The following LRRC7 variants were observed in gnomAD, a reference collection of about 807,000 sequenced individuals.
LRRC7 encodes leucine rich repeat containing 7, also known as leucine-rich repeat-containing protein 7.
Under a neutral mutation model 175.7 loss-of-function variants are expected in LRRC7, and 23 were observed. The observed-to-expected ratio is 0.13, with a 90% CI of 0.09 to 0.19. The LOEUF (loss-of-function observed/expected upper bound fraction) is 0.19, where lower values mean the gene tolerates loss of function less well. LRRC7 is among the 10% of genes least tolerant of loss of function. The probability of loss-of-function intolerance (pLI) is 1.00; values close to 1 mark genes in which losing one functional copy is unlikely to be tolerated. For missense variants in LRRC7, 1,354 were observed against 1,904.7 expected (o/e 0.71, Z 5.38); for synonymous variants, 685 against 680.9 (o/e 1.01, Z -0.09).
At chr1:69,578,318 A>G (rs1241427278) in intron 1 of LRRC7, among the ~76,000 whole-genome samples, 1 of 150,170 alleles carries the variant, frequency 6.7e-6, no homozygotes, top group East Asian at 2.0e-4. Context: ...ATGTGGAGAA[A>G]TAGGAACACT....
chr1:69,708,057 G>A (rs1192082019), intron 2 of LRRC7, among the ~76,000 whole-genome samples: 1 of 152,140 alleles, frequency 6.6e-6, no homozygotes, highest in Non-Finnish European at 1.5e-5. Context: ...ATTGGTCAGA[G>A]CTTCACCAGT....
intron 23 of LRRC7, among the ~76,000 whole-genome samples, chr1:70,057,008 G>A (rs1185903241): frequency 6.6e-6 from 1 of 152,028 alleles, no homozygotes; most frequent in Admixed American, 6.6e-5. Context: ...GTTGGGGGGG[G>A]AATCCATAGG....
At chr1:69,661,187 T>C (rs1038510578) in intron 1 of LRRC7, among the ~76,000 whole-genome samples, 1 of 152,112 alleles carries the variant, frequency 6.6e-6, no homozygotes. Context: ...TTTTTAATGC[T>C]CGTGGAACTA....
intron 1 of LRRC7, among the ~76,000 whole-genome samples, chr1:69,653,356 A>ACAAATGACCAG (rs1656145596): frequency 6.6e-6 from 1 of 151,978 alleles, no homozygotes; most frequent in Admixed American, 6.6e-5. Context: ...AAAAAGAAAA[A>ACAAATGACCAG]CAGATCTGTG....
chr1:70,021,304 T>A, intron 16 of LRRC7, 175 bp downstream of exon 16: 2 of 536,066 alleles, frequency 3.7e-6, no homozygotes, highest in Non-Finnish European at 3.2e-6. Flanking sequence ...AGAATGAGAC[T>A]AATGTCCCAA....
At chr1:69,732,812 T>G (rs72675030) in intron 2 of LRRC7, among the ~76,000 whole-genome samples, 2,786 of 152,170 alleles carry the variant, frequency 0.018, 34 homozygotes, top group Middle Eastern at 0.041. Context: ...TGACACACTT[T>G]TATGAAGATA....
chr1:69,630,157 T>C (rs1324748686), intron 1 of LRRC7, among the ~76,000 whole-genome samples: 2 of 152,066 alleles, frequency 1.3e-5, no homozygotes, highest in Non-Finnish European at 2.9e-5. Context: ...ATTTTCTTGT[T>C]CCTTCCTTCC....
chr1:70,047,315 C>T (rs375143614), intron 22 of LRRC7, among the ~76,000 whole-genome samples: 1 of 152,050 alleles, frequency 6.6e-6, no homozygotes, highest in Non-Finnish European at 1.5e-5. Flanking sequence ...AGGAAGTTTC[C>T]TAAGGAATCT....
intron 22 of LRRC7, among the ~76,000 whole-genome samples, chr1:70,051,307 A>G (rs1660727364): frequency 6.6e-6 from 1 of 152,050 alleles, no homozygotes; most frequent in African/African-American, 2.4e-5. Flanking sequence ...TAATTATCCC[A>G]CTTCACTAGC....
At chr1:70,068,224 A>G (rs1467347206) in intron 23 of LRRC7, among the ~76,000 whole-genome samples, 3 of 152,108 alleles carry the variant, frequency 2.0e-5, no homozygotes, top group African/African-American at 4.8e-5. Context: ...CCCATTAAGT[A>G]TATTAGCTAT....
chr1:69,683,141 G>C (rs1488111735), intron 2 of LRRC7, among the ~76,000 whole-genome samples: 3 of 152,118 alleles, frequency 2.0e-5, no homozygotes, highest in African/African-American at 7.2e-5. Flanking sequence ...TTTTCTGTCT[G>C]AATGAGTGGT....
chr1:69,810,456 C>T (rs2901371), intron 4 of LRRC7, among the ~76,000 whole-genome samples: 5,052 of 152,088 alleles, frequency 0.033, 251 homozygotes, highest in African/African-American at 0.11. Flanking sequence ...AAAGAGCCCA[C>T]ATAGCCAAGA....
intron 7 of LRRC7, among the ~76,000 whole-genome samples, chr1:69,854,215 T>A (rs940801760): frequency 2.0e-5 from 3 of 152,152 alleles, no homozygotes; most frequent in African/African-American, 7.2e-5. Context: ...AACAGGAACA[T>A]GGAACCAAGC....
At chr1:69,849,725 A>T (rs577140790) in intron 7 of LRRC7, among the ~76,000 whole-genome samples, 2 of 152,118 alleles carry the variant, frequency 1.3e-5, no homozygotes, top group East Asian at 1.9e-4. Flanking sequence ...TCTGACCCCA[A>T]CTTTTCCTCC....
chr1:69,717,779 A>T (rs1462377034), intron 2 of LRRC7, among the ~76,000 whole-genome samples: 1 of 17,728 alleles, frequency 5.6e-5, no homozygotes, highest in Non-Finnish European at 1.1e-4. Context: ...AAAAAGAAAG[A>T]AAGAAAGAAA....
chr1:69,569,583 A>G (rs540456499), intron 1 of LRRC7, among the ~76,000 whole-genome samples: 1 of 148,384 alleles, frequency 6.7e-6, no homozygotes, highest in Non-Finnish European at 1.5e-5. Flanking sequence ...AGAGTCAAGA[A>G]TGGGGGCGGG....
chr1:69,790,690 C>A (rs1371561333), intron 3 of LRRC7, among the ~76,000 whole-genome samples: 1 of 151,668 alleles, frequency 6.6e-6, no homozygotes. Context: ...TTAACTTATA[C>A]CAGGAGTGTA....
chr1:69,781,831 AAGGAAG>A (rs1673716093), intron 3 of LRRC7, among the ~76,000 whole-genome samples: 1 of 97,934 alleles, frequency 1.0e-5, no homozygotes, highest in Non-Finnish European at 2.1e-5. Context: ...GGAAGGAAGG[AAGGAAG>A]GAAGGAAGGG....
At position 69,966,960 on chromosome 1, in the gene LRRC7, C is replaced by T. The variant is rs144030922; in HGVS notation, c.712-13419C>T. 9.1e-3 allele frequency among the ~76,000 whole-genome samples: 1,385 copies of T among 152,284 alleles called. 15 individuals are homozygous for T. The highest frequency in any genetic ancestry group is 0.031 in the African/African-American group (1,308 of 41,554). The stretch of plus-strand genomic sequence containing the variant: ...TGATCAAGAAGTCTCCTGGCCAGAA[C>T]TCAGGGGAGGGTGTGAATCTGGTGT... On this transcript the variant is annotated intron_variant, in intron 8 of 26. Coordinates refer to ENST00000651989, the MANE Select transcript of LRRC7 (RefSeq NM_001370785.2).
Sources: gnomAD v4.1 joint callset for allele counts (sites outside exome capture counted in the v4.1 genomes callset) on GRCh38, gnomAD v4.1.1 for gene constraint, MANE v1.5 for transcripts, NCBI Gene and HGNC (gene_info 2026-07-23, HGNC 2026-07-21) for gene names.